Variants in ACTL8 observed in about 807,000 individuals in gnomAD.
ACTL8 encodes the protein actin like 8, also known as actin-like protein 8.
A neutral mutation model predicts 9.3 loss-of-function variants in ACTL8; 3 were observed. The ratio of observed to expected loss-of-function variants is 0.32; its 90% CI spans 0.15 to 0.83. The LOEUF is 0.83. Ranked by LOEUF, ACTL8 falls within the 40% of genes least tolerant of loss-of-function variation. The pLI is 0.57. For synonymous variants in ACTL8, 224 were observed against 205.9 expected (o/e 1.09, Z -0.75); for missense variants, 381 against 492.2 (o/e 0.77, Z 2.14).
chr1:17,769,920 C>T (rs1447976297), intron 1 of ACTL8, among the ~76,000 whole-genome samples: 4 of 152,194 alleles, frequency 2.6e-5, no homozygotes, highest in Admixed American at 2.6e-4. Flanking sequence ...GCTCCATGGC[C>T]TGAAACTGGC....
In ACTL8 at chr1:17,765,210, T is replaced by G. The variant is rs372423957; in HGVS notation, c.-25+9706T>G. ...CCTTCCTCCTCTGGGTCCCTGAGTG[T>G]GGTGGGCCTGAAGGAAGAGAAACAT... On this transcript the variant is annotated intron_variant, in intron 1 of 2. Coordinates refer to ENST00000375406, the MANE Select transcript of ACTL8 (RefSeq NM_030812.3). Among the ~76,000 whole-genome samples, 15 of 152,258 alleles carry G rather than the reference T, an allele frequency of 9.9e-5. No homozygotes were observed. The East Asian group carries it at 1.2e-3, about 12-fold the overall frequency.
intron 1 of ACTL8, among the ~76,000 whole-genome samples, chr1:17,762,029 T>C (rs927312908): frequency 6.6e-6 from 1 of 151,984 alleles, no homozygotes; most frequent in Non-Finnish European, 1.5e-5. Flanking sequence ...TGGAGGAATG[T>C]GGCTTTAAAA....
At position 17,766,556 on chromosome 1, in the gene ACTL8, G is replaced by A. The variant is rs149937101; in HGVS notation, c.-25+11052G>A. 1.3e-3 allele frequency among the ~76,000 whole-genome samples: 198 copies of A among 152,286 alleles called. 3 individuals carry two copies. The highest frequency in any genetic ancestry group is 7.9e-3 in the East Asian group (41 of 5,168). On this transcript the variant is annotated intron_variant, in intron 1 of 2. Coordinates refer to ENST00000375406, the MANE Select transcript of ACTL8 (RefSeq NM_030812.3). ...AGCAAAAGTCACAACCTTGGGCGCT[G>A]ACAGCCTGTCAGGCACCGTCCTAAT...
intron 1 of ACTL8, among the ~76,000 whole-genome samples, chr1:17,763,793 C>T (rs1022873356): frequency 2.0e-5 from 3 of 152,164 alleles, no homozygotes; most frequent in Admixed American, 6.5e-5. Context: ...CGGTTGGGAG[C>T]CTTGGGGCTG....
intron 1 of ACTL8, among the ~76,000 whole-genome samples, chr1:17,800,296 TTGA>T (rs2102692259): frequency 6.6e-6 from 1 of 152,374 alleles, no homozygotes; most frequent in Admixed American, 6.5e-5. Context: ...TATGTTTTCG[TTGA>T]TAATATGAGT....
In ACTL8 at chr1:17,823,239, T is replaced by A; in HGVS notation, c.231T>A (p.Gly77=). 1 of 1,613,996 alleles carries A rather than the reference T, an allele frequency of 6.2e-7. No homozygotes were observed. The highest frequency in any genetic ancestry group is 8.5e-7 in the Non-Finnish European group (1 of 1,180,002). Residue 77 remains glycine (G), a synonymous_variant, in exon 2 of 3, where the codon GGT becomes GGA. Coordinates refer to ENST00000375406, the MANE Select transcript of ACTL8 (RefSeq NM_030812.3). This position sits in a 1 kb window ranked among gnomAD's most constrained non-coding sequence, Gnocchi z 5.3. The part of the protein sequence containing the change: ...IERGRILNWE[G]VQYLWSFVLE... ...GGGGCCGCATCCTCAACTGGGAGGG[T>A]GTGCAGTACCTCTGGTCATTTGTGT...
At chr1:17,762,395 C>G (rs568335139) in intron 1 of ACTL8, among the ~76,000 whole-genome samples, 1 of 152,138 alleles carries the variant, frequency 6.6e-6, no homozygotes, top group African/African-American at 2.4e-5. Context: ...CAGACCAGGC[C>G]CCACCCCCTG....
In ACTL8 at chr1:17,767,471, C is replaced by G. The variant is rs2066052703; in HGVS notation, c.-25+11967C>G. Among the ~76,000 whole-genome samples, 1 of 152,144 alleles carries G rather than the reference C, an allele frequency of 6.6e-6. No homozygotes were observed. Among genetic ancestry groups the G allele is most frequent in the Non-Finnish European group, 1.5e-5 (1 of 68,038 alleles). ...CTTCCCTTTCCTCCCGGACTGACGT[C>G]TGCACATCCTTCTCTCCCGGCTAAG... On this transcript the variant is annotated intron_variant, in intron 1 of 2. Coordinates refer to ENST00000375406, the MANE Select transcript of ACTL8 (RefSeq NM_030812.3). This position sits in a 1 kb window ranked among gnomAD's most constrained non-coding sequence, Gnocchi z 4.7.
chr1:17,790,057 C>G (rs1331975021), intron 1 of ACTL8, among the ~76,000 whole-genome samples: 1 of 152,224 alleles, frequency 6.6e-6, no homozygotes, highest in East Asian at 1.9e-4. Flanking sequence ...TCAGACATGC[C>G]AGCTGCTGCA....
At chr1:17,817,189 A>ATTTTTTTTTTTTTTTTTTTTTGTT (rs34552700) in intron 1 of ACTL8, among the ~76,000 whole-genome samples, 1 of 136,818 alleles carries the variant, frequency 7.3e-6, no homozygotes. Flanking sequence ...CCTTAATGCC[A>ATTTTTTTTTTTTTTTTTTTTTGTT]TTTTTTTTTT....
intron 1 of ACTL8, among the ~76,000 whole-genome samples, chr1:17,759,376 G>C (rs141447979): frequency 3.7e-4 from 57 of 152,370 alleles, no homozygotes; most frequent in African/African-American, 1.1e-3. Flanking sequence ...GGCTGCTGCC[G>C]TGCTCAGCAG....
At chr1:17,809,349 A>G (rs986675389) in intron 1 of ACTL8, among the ~76,000 whole-genome samples, 3 of 152,174 alleles carry the variant, frequency 2.0e-5, no homozygotes, top group Non-Finnish European at 2.9e-5. Context: ...CTCAAGCTAA[A>G]TAAGAGTGAT....
chr1:17,816,451 G>C (rs774233396), intron 1 of ACTL8, among the ~76,000 whole-genome samples: 1 of 152,136 alleles, frequency 6.6e-6, no homozygotes, highest in South Asian at 2.1e-4. Flanking sequence ...CAATCCACCC[G>C]CCTTGGCCTC....
chr1:17,789,838 G>GTGTCAT (rs141642592), intron 1 of ACTL8, among the ~76,000 whole-genome samples: 2,073 of 152,286 alleles, frequency 0.014, 41 homozygotes, highest in African/African-American at 0.047. Flanking sequence ...GACCTTTGGG[G>GTGTCAT]TGTCATTTTT....
chr1:17,789,223 C>T (rs547498032), intron 1 of ACTL8, among the ~76,000 whole-genome samples: 3 of 152,234 alleles, frequency 2.0e-5, no homozygotes, highest in East Asian at 1.9e-4. Context: ...TTACCTTCAG[C>T]GACTCCCAAG....
intron 1 of ACTL8, among the ~76,000 whole-genome samples, chr1:17,778,197 C>T (rs1417868687): frequency 6.6e-6 from 1 of 152,200 alleles, no homozygotes; most frequent in Non-Finnish European, 1.5e-5. Context: ...TTGGGGTAGG[C>T]TGGGGCAGCT....
At position 17,826,165 on chromosome 1, in the gene ACTL8, C is replaced by T. The variant is rs748039028; in HGVS notation, c.747C>T (p.Thr249=). 11 of 1,612,830 alleles carry T rather than the reference C, an allele frequency of 6.8e-6. No homozygotes were observed. In the African/African-American group the frequency reaches 9.3e-5, roughly 14 times the overall value. ...CAGACGGCTCCCGCGTGGAGCTGAC[C>T]CCCATGCAGCGGGTGGCTCCTGAGA... The part of the protein sequence containing the change: ...QLPDGSRVEL[T]PMQRVAPEMF... The change falls in exon 3 of 3, where the codon ACC becomes ACT. Residue 249 remains threonine (T), a synonymous_variant. Transcript: ENST00000375406. The surrounding 1 kb of genome is among the most constrained non-coding windows in gnomAD (Gnocchi z 4.5).
At chr1:17,786,604 G>A (rs2066199500) in intron 1 of ACTL8, among the ~76,000 whole-genome samples, 1 of 152,210 alleles carries the variant, frequency 6.6e-6, no homozygotes, top group African/African-American at 2.4e-5. Flanking sequence ...GGAGGAAAGT[G>A]AGCAGGACCT....
intron 1 of ACTL8, among the ~76,000 whole-genome samples, chr1:17,814,075 C>T (rs904821210): frequency 5.3e-5 from 8 of 152,130 alleles, no homozygotes; most frequent in African/African-American, 1.9e-4. Flanking sequence ...ATTTGTTTTC[C>T]ATTTTCAATT....
Sources: allele counts gnomAD v4.1 joint callset (sites outside exome capture counted in the v4.1 genomes callset), GRCh38; gene constraint gnomAD v4.1.1; non-coding constraint Gnocchi (gnomAD v3.1); transcripts MANE v1.5; gene names NCBI Gene and HGNC (gene_info 2026-07-23, HGNC 2026-07-21).